Variants in RFPL3 observed in about 807,000 individuals in gnomAD.
The protein encoded by RFPL3 is ret finger protein-like 3.
Under a neutral mutation model 8.7 loss-of-function variants are expected in RFPL3, and 8 were observed. That is an observed-to-expected ratio of 0.92 (90% CI 0.54 to 1.66). The LOEUF (loss-of-function observed/expected upper bound fraction) is 1.66. Ranked by LOEUF, RFPL3 falls within the 40% of genes most tolerant of loss-of-function variation. The probability of loss-of-function intolerance (pLI) is 0.00; values close to 1 mark genes in which losing one functional copy is unlikely to be tolerated. For missense variants in RFPL3, 341 were observed against 395.0 expected (o/e 0.86, Z 1.16); for synonymous variants, 145 against 150.5 (o/e 0.96, Z 0.27).
At chr22:32,360,212 T>G (rs1383676471) in intron 1 of RFPL3, 40 bp from the exon 2 acceptor site, 1 of 1,583,526 alleles carries the variant, frequency 6.3e-7, no homozygotes, top group Admixed American at 1.7e-5. Context: ...TGGGGTTGGC[T>G]TCTGTCCACT....
chr22:32,360,879 T>C lies in RFPL3; in HGVS notation c.*47T>C. 1.3e-6 allele frequency: 2 copies of C among 1,498,070 alleles called. No individual in the cohort carries two copies. The highest frequency in any genetic ancestry group is 1.8e-6 in the Non-Finnish European group (2 of 1,122,154). The allele number at this position is 1,498,070 out of a possible 1,614,324, so 92.8% of individuals were successfully genotyped here. ...AGGGTCAGAAAATTACTTGGGTGGG[T>C]AGACTTAGGAATTTTCTACTTGGTA... is the stretch of plus-strand genomic sequence containing the variant. On this transcript the variant is annotated 3_prime_UTR_variant, in exon 2 of 2. Coordinates refer to ENST00000249007, the MANE Select transcript of RFPL3 (RefSeq NM_001098535.1).
chr22:32,359,940 A>G (rs933025297), intron 1 of RFPL3: 5 of 394,984 alleles, frequency 1.3e-5, no homozygotes, highest in African/African-American at 8.1e-5. Flanking sequence ...TCACACATCA[A>G]GGTGGTAGAA....
intron 1 of RFPL3, chr22:32,359,764 A>G (rs1932758803): frequency 6.4e-6 from 1 of 156,648 alleles, no homozygotes; most frequent in South Asian, 1.9e-4. Context: ...TCAGCTGCAG[A>G]GATACCCTAT....
At chr22:32,356,085 C>A (rs1288405221), upstream of RFPL3, among the ~76,000 whole-genome samples, 1 of 152,002 alleles carries the variant, frequency 6.6e-6, no homozygotes, top group Non-Finnish European at 1.5e-5. Context: ...TTTGACGATG[C>A]AACAGTGTCC....
At position 32,360,597 on chromosome 22, in the gene RFPL3, G is replaced by T; in HGVS notation, c.719G>T (p.Arg240Leu). The T allele has an allele frequency of 6.2e-7, 1 of 1,613,446 alleles. No homozygotes were observed. Among genetic ancestry groups the T allele is most frequent in the South Asian group, 1.1e-5 (1 of 91,058 alleles). ...TVPLTFLLVD[R>L]KLQRVGIFLD... ...CCGCTGACTTTCCTCTTAGTAGACCGCAAGTTACAGCGAGTGGGGATTTTT... is the reference window on the plus strand; with the variant it reads ...CCGCTGACTTTCCTCTTAGTAGACCTCAAGTTACAGCGAGTGGGGATTTTT... The change falls in exon 2 of 2, where the codon CGC (arginine) becomes CTC (leucine). Residue 240 changes from arginine to leucine, a missense_variant. Arg to Leu is a moderately radical substitution (Grantham distance 102, BLOSUM62 -2). Transcript: ENST00000249007.
At chr22:32,360,197 A>AGGCATG (rs1378614861) in intron 1 of RFPL3, 55 bp from the exon 2 acceptor site, 2 of 1,550,844 alleles carry the variant, frequency 1.3e-6, no homozygotes, top group African/African-American at 2.7e-5. Flanking sequence ...AGTAGAAGAG[A>AGGCATG]GGCATGGGGT....
At chr22:32,357,472 C>CCCTTTTTT (rs543220133), upstream of RFPL3, among the ~76,000 whole-genome samples, 1 of 145,174 alleles carries the variant, frequency 6.9e-6, no homozygotes, top group Admixed American at 6.8e-5. Flanking sequence ...ATCCAGCCCC[C>CCCTTTTTT]TTTTTTTTTT....
At chr22:32,358,916 G>A (rs1015158432) in intron 1 of RFPL3, among the ~76,000 whole-genome samples, 11 of 152,342 alleles carry the variant, frequency 7.2e-5, no homozygotes, top group Middle Eastern at 3.4e-3. Context: ...CCAGGGTTGA[G>A]AAGAGTTGGG....
upstream of RFPL3, chr22:32,357,043 CT>C (rs1321710371): frequency 7.5e-6 from 3 of 401,644 alleles, no homozygotes; most frequent in East Asian, 2.3e-4. Context: ...TGGGAGCCCC[CT>C]GACCTCAGTG....
intron 1 of RFPL3, chr22:32,360,025 G>A (rs879192342): frequency 1.6e-5 from 9 of 576,366 alleles, no homozygotes; most frequent in Non-Finnish European, 2.6e-5. Flanking sequence ...AACACGTGAC[G>A]TAAAGTAAAA....
Position 32,360,703 on chromosome 22 carries a change from T to G in RFPL3, c.825T>G (p.Ala275=), listed in dbSNP as rs5998439. ...TCTATACATTCAGGAGCGTCTCTGC[T>G]GAGGAGCCACTGCGCCCATTTTTGG... ...SHVYTFRSVS[A]EEPLRPFLAP... The change falls in exon 2 of 2, where the codon GCT becomes GCG. Residue 275 remains alanine (A), a synonymous_variant. Coordinates refer to ENST00000249007, the MANE Select transcript of RFPL3 (RefSeq NM_001098535.1). 8.1e-6 allele frequency: 13 copies of G among 1,614,108 alleles called. 1 individual carries two copies. The African/African-American group carries it at 1.7e-4, about 22-fold the overall frequency.
chr22:32,358,473 C>T (rs2145868819), intron 1 of RFPL3, 29 bp downstream of exon 1: 1 of 1,586,628 alleles, frequency 6.3e-7, no homozygotes, highest in Non-Finnish European at 8.6e-7. Flanking sequence ...CTGCCCCCTT[C>T]CCAAGACCAG....
chr22:32,355,448 G>C (rs1436364998), upstream of RFPL3, among the ~76,000 whole-genome samples: 1 of 152,022 alleles, frequency 6.6e-6, no homozygotes, highest in Non-Finnish European at 1.5e-5. Context: ...GTGGGACCTG[G>C]TTTTCCACCC....
intron 1 of RFPL3, chr22:32,359,910 C>A: frequency 3.4e-6 from 1 of 296,958 alleles, no homozygotes; most frequent in Non-Finnish European, 6.2e-6. Flanking sequence ...CTTGCATTGT[C>A]TTAATTATCA....
At chr22:32,360,035 A>C in intron 1 of RFPL3, 1 of 598,368 alleles carries the variant, frequency 1.7e-6, no homozygotes, top group Admixed American at 3.4e-5. Flanking sequence ...GTAAAGTAAA[A>C]TAAGAATTGC....
intron 1 of RFPL3, among the ~76,000 whole-genome samples, chr22:32,359,594 T>C (rs780890683): frequency 1.2e-4 from 18 of 152,206 alleles, no homozygotes; most frequent in Non-Finnish European, 2.4e-4. Flanking sequence ...CAGACAACTT[T>C]CAAATACCTT....
Position 32,360,794 on chromosome 22 carries a change from AC to A in RFPL3, c.917del (p.Thr306IlefsTer29), listed in dbSNP as rs1932778144. 1 of 1,583,488 alleles carries A rather than the reference AC, an allele frequency of 6.3e-7. No homozygotes were observed. The highest frequency in any genetic ancestry group is 8.6e-7 in the Non-Finnish European group (1 of 1,164,626). On this transcript the variant is annotated frameshift_variant, in exon 2 of 2. Transcript: ENST00000249007. LOFTEE classifies it low-confidence loss of function (END_TRUNC). ...LSICPLMNSG[T>X]TDAPVRPGEA... is the part of the protein sequence containing the mutation. Reference sequence around the variant, plus strand: ...CATCTGTCCTTTGATGAACTCAGGCACTACTGATGCTCCAGTCCGTCCTGGG... The same window carrying A: ...CATCTGTCCTTTGATGAACTCAGGCATACTGATGCTCCAGTCCGTCCTGGG...
upstream of RFPL3, among the ~76,000 whole-genome samples, chr22:32,356,123 A>T (rs1932660378): frequency 1.3e-5 from 2 of 151,970 alleles, no homozygotes; most frequent in Admixed American, 1.3e-4. Context: ...AGGGCTGGGG[A>T]GCTGGGCAGA....
chr22:32,360,224 G>A lies in RFPL3; in HGVS notation c.374-28G>A, dbSNP rs373266612. The A allele has an allele frequency of 2.5e-6, 4 of 1,594,246 alleles. No individual in the cohort carries two copies. In the African/African-American group the frequency reaches 5.4e-5, roughly 21 times the overall value. ...GCATGGGGTTGGCTTCTGTCCACTT[G>A]CTGAGCAACTTGTTTTCCTTTTCAC... On this transcript the variant is annotated intron_variant, in intron 1 of 1. Transcript: ENST00000249007.
Sources: gnomAD v4.1 joint callset for allele counts (sites outside exome capture counted in the v4.1 genomes callset) on GRCh38, gnomAD v4.1.1 for gene constraint, MANE v1.5 for transcripts, NCBI Gene and HGNC (gene_info 2026-07-23, HGNC 2026-07-21) for gene names.